Variants in CPED1 observed in about 807,000 individuals in gnomAD.
CPED1 encodes the protein cadherin-like and PC-esterase domain-containing protein 1.
In CPED1, 114 loss-of-function variants were observed where a neutral mutation model predicts 128.2. The observed-to-expected ratio is 0.89, with a 90% CI of 0.76 to 1.04. The LOEUF (loss-of-function observed/expected upper bound fraction) is 1.04. CPED1 is among the 50% of genes least tolerant of loss of function. CPED1 has a pLI of 0.00. For missense variants in CPED1, 1,211 were observed against 1,207.1 expected (o/e 1.00, Z -0.05); for synonymous variants, 462 against 426.7 (o/e 1.08, Z -1.02).
intron 16 of CPED1, among the ~76,000 whole-genome samples, chr7:121,191,490 A>G (rs1377497679): frequency 6.6e-6 from 1 of 152,138 alleles, no homozygotes. Flanking sequence ...TGTTGAAATA[A>G]GAATACAACA....
intron 16 of CPED1, among the ~76,000 whole-genome samples, chr7:121,166,825 T>A (rs1306574486): frequency 6.6e-6 from 1 of 152,114 alleles, no homozygotes; most frequent in African/African-American, 2.4e-5. Context: ...AATGTAAAAA[T>A]TCCTAACTGT....
chr7:121,019,406 C>T (rs1300248394), intron 3 of CPED1, among the ~76,000 whole-genome samples: 1 of 152,010 alleles, frequency 6.6e-6, no homozygotes. Context: ...AAAGTCCAGT[C>T]AGTGTTTTAT....
chr7:121,245,880 C>A (rs897007264), intron 18 of CPED1, among the ~76,000 whole-genome samples: 16 of 151,906 alleles, frequency 1.1e-4, no homozygotes, highest in Non-Finnish European at 1.2e-4. Context: ...ATAGTAGAGA[C>A]GGGGTTTCAC....
chr7:121,073,538 G>A (rs1794045675), intron 5 of CPED1, among the ~76,000 whole-genome samples: 1 of 152,108 alleles, frequency 6.6e-6, no homozygotes, highest in South Asian at 2.1e-4. Flanking sequence ...TTTAGCTTCA[G>A]TGCCCATATC....
At chr7:121,150,909 C>T (rs573890949) in intron 16 of CPED1, among the ~76,000 whole-genome samples, 6 of 152,170 alleles carry the variant, frequency 3.9e-5, no homozygotes, top group African/African-American at 1.4e-4. Context: ...GCTGGGATTA[C>T]AGGCGCCTGC....
chr7:121,254,820 C>G (rs1182633463), intron 18 of CPED1, among the ~76,000 whole-genome samples: 1 of 151,562 alleles, frequency 6.6e-6, no homozygotes, highest in African/African-American at 2.4e-5. Flanking sequence ...TGGATAAATT[C>G]CTAAAAACAC....
At chr7:121,104,726 T>A (rs939923795) in intron 7 of CPED1, among the ~76,000 whole-genome samples, 21 of 152,142 alleles carry the variant, frequency 1.4e-4, no homozygotes, top group African/African-American at 5.1e-4. Context: ...GATGATTCCT[T>A]GCATATAATC....
At chr7:120,991,125 A>G (rs1796303170) in intron 2 of CPED1, among the ~76,000 whole-genome samples, 1 of 152,234 alleles carries the variant, frequency 6.6e-6, no homozygotes, top group South Asian at 2.1e-4. Context: ...AACCACAACT[A>G]CAAGAACTTA....
intron 4 of CPED1, among the ~76,000 whole-genome samples, chr7:121,059,044 C>T (rs923133307): frequency 1.3e-5 from 2 of 152,122 alleles, no homozygotes; most frequent in Non-Finnish European, 2.9e-5. Context: ...GAATTTAAAA[C>T]CATTAGTCTG....
At chr7:121,072,922 A>T (rs1794030757) in intron 5 of CPED1, among the ~76,000 whole-genome samples, 1 of 152,138 alleles carries the variant, frequency 6.6e-6, no homozygotes, top group Non-Finnish European at 1.5e-5. Flanking sequence ...AGATAGATTT[A>T]CACTATGTTT....
At chr7:121,201,650 T>C (rs887582973) in intron 16 of CPED1, among the ~76,000 whole-genome samples, 1 of 152,126 alleles carries the variant, frequency 6.6e-6, no homozygotes, top group African/African-American at 2.4e-5. Flanking sequence ...AGCTCATACC[T>C]CTACCTGGTA....
chr7:121,199,591 C>G (rs1222276824), intron 16 of CPED1, among the ~76,000 whole-genome samples: 1 of 144,296 alleles, frequency 6.9e-6, no homozygotes, highest in Admixed American at 7.1e-5. Context: ...GTGAGGGAAT[C>G]GCTTGAACCT....
chr7:121,135,689 A>G (rs992207791), intron 13 of CPED1, among the ~76,000 whole-genome samples: 1 of 152,090 alleles, frequency 6.6e-6, no homozygotes, highest in Non-Finnish European at 1.5e-5. Context: ...TAGAGTAAAT[A>G]TTACTGGAAC....
At chr7:121,271,462 T>C in intron 22 of CPED1, 32 bp downstream of exon 22, 1 of 1,588,270 alleles carries the variant, frequency 6.3e-7, no homozygotes, top group Non-Finnish European at 8.6e-7. Flanking sequence ...GTTTTATAGC[T>C]TTTGATCTTT....
intron 5 of CPED1, among the ~76,000 whole-genome samples, chr7:121,086,674 G>A (rs1794431991): frequency 6.6e-6 from 1 of 152,194 alleles, no homozygotes; most frequent in Non-Finnish European, 1.5e-5. Flanking sequence ...GAAATGCTGA[G>A]TAAATGCCAA....
chr7:121,111,386 A>C (rs1033341586), intron 7 of CPED1, among the ~76,000 whole-genome samples: 3 of 152,190 alleles, frequency 2.0e-5, no homozygotes, highest in Non-Finnish European at 4.4e-5. Context: ...CTGGTGTGAC[A>C]GGGAGGTTCC....
At chr7:121,095,483 T>G (rs1794676471) in intron 5 of CPED1, among the ~76,000 whole-genome samples, 1 of 141,442 alleles carries the variant, frequency 7.1e-6, no homozygotes, top group South Asian at 2.2e-4. Flanking sequence ...ATTACAGAGG[T>G]TTTTTTTTTT....
At chr7:121,058,956 G>A (rs1793580774) in intron 4 of CPED1, among the ~76,000 whole-genome samples, 1 of 152,178 alleles carries the variant, frequency 6.6e-6, no homozygotes, top group Non-Finnish European at 1.5e-5. Flanking sequence ...TAATTTTAGA[G>A]CTTAATGAAA....
chr7:121,027,612 T>C (rs7782014), intron 3 of CPED1, among the ~76,000 whole-genome samples: 37,105 of 151,732 alleles, frequency 0.24, 4,865 homozygotes, highest in East Asian at 0.42. Flanking sequence ...CTCAACCAAC[T>C]GAGGAACAGA....
Sources: gnomAD v4.1 joint callset for allele counts (sites outside exome capture counted in the v4.1 genomes callset) on GRCh38, gnomAD v4.1.1 for gene constraint, MANE v1.5 for transcripts, NCBI Gene and HGNC (gene_info 2026-07-23, HGNC 2026-07-21) for gene names.